SPEF2: variants seen among roughly 807,000 people sequenced by gnomAD.
SPEF2 encodes sperm flagellar and cilia associated 2.
Under a neutral mutation model 224.6 loss-of-function variants are expected in SPEF2, and 187 were observed. The ratio of observed to expected loss-of-function variants is 0.83; its 90% confidence interval spans 0.74 to 0.94. SPEF2 has a LOEUF of 0.94. Among genes scored for constraint, SPEF2 ranks in the 40% least tolerant of loss-of-function variants. The pLI is 0.00. For missense variants in SPEF2, 2,170 were observed against 2,135.6 expected (o/e 1.02, Z -0.32); for synonymous variants, 715 against 707.3 (o/e 1.01, Z -0.17).
chr5:35,675,529 CTT>C (rs10709245), intron 10 of SPEF2: 177 of 135,132 alleles, frequency 1.3e-3, no homozygotes, highest in South Asian at 3.0e-3. Flanking sequence ...GTTAGGATTC[CTT>C]TTTTTTTTTT....
intron 36 of SPEF2, among the ~76,000 whole-genome samples, chr5:35,813,751 A>G (rs1397922726): frequency 3.3e-5 from 5 of 152,166 alleles, no homozygotes; most frequent in Admixed American, 2.0e-4. Context: ...TAAAATGATC[A>G]CAGTCAAATT....
chr5:35,712,955 C>A, intron 20 of SPEF2, 69 bp downstream of exon 20: 1 of 1,404,348 alleles, frequency 7.1e-7, no homozygotes, highest in Non-Finnish European at 9.9e-7. Flanking sequence ...GTGAAAATAG[C>A]TAGATTTGTA....
chr5:35,791,167 A>C (rs1196870871), intron 30 of SPEF2: 3 of 152,202 alleles, frequency 2.0e-5, no homozygotes, highest in African/African-American at 7.2e-5. Flanking sequence ...AGTTCACTGA[A>C]AATTCTGCTA....
intron 7 of SPEF2, among the ~76,000 whole-genome samples, chr5:35,656,891 C>T (rs764946607): frequency 2.6e-5 from 4 of 152,212 alleles, no homozygotes; most frequent in Non-Finnish European, 5.9e-5. Context: ...AGGCCTGAAG[C>T]ATATGCTGCA....
In SPEF2 at chr5:35,644,469, A is replaced by T. The variant is rs1025058444; in HGVS notation, c.529A>T (p.Lys177Ter). Residue 177 changes from lysine (K) to a stop codon, truncating the protein, a stop_gained, in exon 4 of 37, where the codon AAA becomes TAA. Transcript: ENST00000356031. LOFTEE classifies it high-confidence loss of function. ...AGATCTTGCCCATTTGCATTTTGAG[A>T]AACTTGAAAGATTTCAAAAACTCAA... Reference protein sequence around the residue: ...KEDLAHLHFEKLERFQKLKEE... With the variant: ...KEDLAHLHFE The T allele has an allele frequency of 1.2e-6, 2 of 1,610,438 alleles. No homozygotes were observed. Among genetic ancestry groups the T allele is most frequent in the Non-Finnish European group, 1.7e-6 (2 of 1,178,876 alleles).
Position 35,806,931 on chromosome 5 carries a change from G to T in SPEF2, c.5235G>T (p.Lys1745Asn), listed in dbSNP as rs544034725. 1.2e-6 allele frequency: 2 copies of T among 1,609,220 alleles called. No individual in the cohort carries two copies. The highest frequency in any genetic ancestry group is 2.7e-5 in the African/African-American group (2 of 74,666). ...CCAATAGATTTGCCAGCCACCTAAAGATAGAGAACATTTATGCAGAGGTTG... is the reference window on the plus strand; with the variant it reads ...CCAATAGATTTGCCAGCCACCTAAATATAGAGAACATTTATGCAGAGGTTG... ...QDSNRFASHL[K>N]IENIYAEGFI... Residue 1745 changes from lysine to asparagine, a missense_variant, in exon 35 of 37, where the codon AAG becomes AAT. Coordinates refer to ENST00000356031, the MANE Select transcript of SPEF2 (RefSeq NM_024867.4).
chr5:35,723,147 C>G (rs1433385999), intron 20 of SPEF2, among the ~76,000 whole-genome samples: 1 of 152,152 alleles, frequency 6.6e-6, no homozygotes, highest in Non-Finnish European at 1.5e-5. Context: ...AGGCTTCACC[C>G]CAGTGAGCAG....
At chr5:35,653,434 G>T (rs1748475139) in intron 6 of SPEF2, among the ~76,000 whole-genome samples, 1 of 152,156 alleles carries the variant, frequency 6.6e-6, no homozygotes, top group Non-Finnish European at 1.5e-5. Context: ...CACTTTCATA[G>T]ATGATGGAAG....
intron 26 of SPEF2, chr5:35,764,466 C>A (rs1156479047): frequency 2.4e-5 from 10 of 417,726 alleles, no homozygotes; most frequent in African/African-American, 1.8e-4. Context: ...TTAATCCAAG[C>A]AGAAGTGCCA....
At chr5:35,785,917 C>G (rs1350268659) in intron 30 of SPEF2, among the ~76,000 whole-genome samples, 2 of 152,056 alleles carry the variant, frequency 1.3e-5, no homozygotes, top group East Asian at 1.9e-4. Flanking sequence ...GCCTGGAATA[C>G]CCTTCCCCTG....
intron 36 of SPEF2, chr5:35,807,790 G>C: frequency 6.5e-7 from 1 of 1,535,500 alleles, no homozygotes; most frequent in Non-Finnish European, 8.7e-7. Context: ...CTGCAACTCA[G>C]AAATCACATA....
chr5:35,694,309 G>A lies in SPEF2; in HGVS notation c.1921G>A (p.Ala641Thr). The change falls in exon 13 of 37, where the codon GCT (alanine) becomes ACT (threonine). Residue 641 changes from alanine to threonine, a missense_variant. Coordinates refer to ENST00000356031, the MANE Select transcript of SPEF2 (RefSeq NM_024867.4). ...AAAGGATCCACAACATGTATTTTCA[G>A]CTGGTCCAGTTTCAGATGAAGTATT... ...ESQDPQHVFS[A>T]GPVSDEVLPE... is the part of the protein sequence containing the mutation. 6.2e-7 allele frequency: 1 copy of A among 1,613,540 alleles called. No individual in the cohort carries two copies. Among genetic ancestry groups the A allele is most frequent in the Non-Finnish European group, 8.5e-7 (1 of 1,179,706 alleles).
intron 9 of SPEF2, 86 bp from the exon 10 acceptor site, chr5:35,669,969 CTAAT>C: frequency 1.0e-6 from 1 of 1,003,580 alleles, no homozygotes; most frequent in Admixed American, 2.6e-5. Flanking sequence ...TGAAAGTGAG[CTAAT>C]TACATAAATA....
At chr5:35,809,443 G>C (rs1758402605) in intron 36 of SPEF2, among the ~76,000 whole-genome samples, 2 of 152,086 alleles carry the variant, frequency 1.3e-5, no homozygotes, top group South Asian at 4.1e-4. Flanking sequence ...GAATAAGCTA[G>C]GTCTTGAACG....
chr5:35,807,618 A>G (rs769542167), intron 36 of SPEF2: 19 of 1,530,510 alleles, frequency 1.2e-5, no homozygotes, highest in Non-Finnish European at 1.7e-5. Flanking sequence ...TGACATATTC[A>G]TTGTACTCTA....
intron 10 of SPEF2, among the ~76,000 whole-genome samples, chr5:35,682,340 A>G (rs1752945537): frequency 2.0e-5 from 3 of 152,154 alleles, no homozygotes; most frequent in Admixed American, 2.0e-4. Flanking sequence ...CTTATCAAAT[A>G]TAGGTTTAAA....
In SPEF2 at chr5:35,661,273, T is replaced by TATATAG. The variant is rs1401268931; in HGVS notation, c.1167+2071_1167+2072insGATATA. Among the ~76,000 whole-genome samples, 21 of 31,366 alleles carry TATATAG rather than the reference T, an allele frequency of 6.7e-4. 1 individual carries two copies. The highest frequency in any genetic ancestry group is 3.2e-3 in the African/African-American group (21 of 6,628). The allele number at this position is 31,366 out of a possible 152,430, so 20.6% of individuals were successfully genotyped here. A position where few individuals can be genotyped will look rare whatever the true frequency, so the allele number is the denominator to read the frequency against. On this transcript the variant is annotated intron_variant, in intron 8 of 36. Transcript: ENST00000356031. ...TATATATTATATATATATATATATA[T>TATATAG]ATATATATATATATATATATATATA...
In SPEF2 at chr5:35,771,757, G is replaced by A. The variant is rs1239348737; in HGVS notation, c.3949+1G>A. The A allele has an allele frequency of 1.3e-6, 2 of 1,586,120 alleles. No individual in the cohort carries two copies. Among genetic ancestry groups the A allele is most frequent in the East Asian group, 4.5e-5 (2 of 44,784 alleles). On this transcript the variant is annotated splice_donor_variant, in intron 27 of 36. Coordinates refer to ENST00000356031, the MANE Select transcript of SPEF2 (RefSeq NM_024867.4). LOFTEE classifies it high-confidence loss of function. Reference sequence around the variant, plus strand: ...AAACAGGAAGACAAAAAACCCAAAGGTATTTATGGTTTTAGCACTCAGAAC... The same window carrying A: ...AAACAGGAAGACAAAAAACCCAAAGATATTTATGGTTTTAGCACTCAGAAC...
chr5:35,665,533 T>C (rs553316882), intron 8 of SPEF2, among the ~76,000 whole-genome samples: 13 of 152,236 alleles, frequency 8.5e-5, no homozygotes, highest in African/African-American at 2.6e-4. Flanking sequence ...GCTATACTAT[T>C]ACTGGTAGGA....
Sources: gnomAD v4.1 joint callset for allele counts (sites outside exome capture counted in the v4.1 genomes callset) on GRCh38, gnomAD v4.1.1 for gene constraint, MANE v1.5 for transcripts, NCBI Gene and HGNC (gene_info 2026-07-23, HGNC 2026-07-21) for gene names.